The following RIN2 variants were observed in gnomAD, a reference collection of about 807,000 sequenced individuals.
RIN2 encodes the protein RAB5 interacting protein 2.
RIN2 carries 36 observed loss-of-function variants against 78.0 expected under a neutral mutation model. That is an observed-to-expected ratio of 0.46 (90% CI 0.35 to 0.61). The LOEUF is 0.61. Among genes scored for constraint, RIN2 ranks in the 20% least tolerant of loss-of-function variants. The pLI, the probability that RIN2 is intolerant of heterozygous loss-of-function variation, is 0.00. For synonymous variants in RIN2, 466 were observed against 466.8 expected, an observed-to-expected ratio of 1.00 and a Z score of 0.02; for missense variants, 1,087 against 1,159.7, an observed-to-expected ratio of 0.94 and a Z score of 0.91.
intron 4 of RIN2, among the ~76,000 whole-genome samples, chr20:19,948,193 A>G (rs1018434731): frequency 7.9e-6 from 1 of 126,112 alleles, no homozygotes; most frequent in East Asian, 2.1e-4. Context: ...GCACAGACAC[A>G]CGGAAGGGAG....
chr20:19,829,630 C>G (rs1042925006), intron 2 of RIN2, among the ~76,000 whole-genome samples: 2 of 152,114 alleles, frequency 1.3e-5, no homozygotes, highest in African/African-American at 4.8e-5. Flanking sequence ...TCGCCTCTAG[C>G]TGGTTTAGGC....
chr20:19,929,173 G>A (rs1284134720), intron 3 of RIN2, among the ~76,000 whole-genome samples: 2 of 152,210 alleles, frequency 1.3e-5, no homozygotes, highest in Admixed American at 6.5e-5. Context: ...GAGCAGGGGT[G>A]TAGTGAGCAG....
intron 8 of RIN2, among the ~76,000 whole-genome samples, chr20:19,973,132 A>C (rs1264387819): frequency 6.6e-6 from 1 of 152,254 alleles, no homozygotes; most frequent in African/African-American, 2.4e-5. Flanking sequence ...AAAAAGGTAG[A>C]TTCTCATAAC....
At chr20:19,942,118 A>AAAAAAAAAAAG (rs61328325) in intron 4 of RIN2, among the ~76,000 whole-genome samples, 44,933 of 141,886 alleles carry the variant, frequency 0.32, 9,572 homozygotes, top group African/African-American at 0.6. Flanking sequence ...TCAAAAAAAA[A>AAAAAAAAAAAG]AAAAGAAAGA....
chr20:19,924,822 C>T (rs180951165), intron 3 of RIN2, among the ~76,000 whole-genome samples: 1 of 121,686 alleles, frequency 8.2e-6, no homozygotes, highest in Non-Finnish European at 1.6e-5. Flanking sequence ...TCACAGCAAC[C>T]TCTGCCTCCT....
At chr20:19,788,848 C>T (rs571267261) in intron 1 of RIN2, among the ~76,000 whole-genome samples, 16 of 152,272 alleles carry the variant, frequency 1.1e-4, no homozygotes, top group African/African-American at 3.6e-4. Context: ...CCAAAGTGAT[C>T]TACGGACTCA....
intron 9 of RIN2, among the ~76,000 whole-genome samples, chr20:19,978,612 A>G (rs947863647): frequency 2.0e-5 from 3 of 152,196 alleles, no homozygotes; most frequent in African/African-American, 7.2e-5. Context: ...TTTGCATTCT[A>G]TTTAGACTAC....
Position 19,935,055 on chromosome 20 carries a change from G to A in RIN2, c.58-44G>A, listed in dbSNP as rs749879884. On this transcript the variant is annotated intron_variant, in intron 3 of 12. Coordinates refer to ENST00000255006, the MANE Select transcript of RIN2 (RefSeq NM_018993.4). Reference sequence around the variant, plus strand: ...TCCCCGGGCGCTGTGGGCATGCCACGCCTCTCCACTTCCTGACGTCATACT... The same window carrying A: ...TCCCCGGGCGCTGTGGGCATGCCACACCTCTCCACTTCCTGACGTCATACT... 6.1e-5 allele frequency: 89 copies of A among 1,465,074 alleles called. No individual in the cohort carries two copies. In the South Asian group the frequency reaches 7.0e-4, roughly 12 times the overall value. The allele number at this position is 1,465,074 out of a possible 1,614,324, so 90.8% of individuals were successfully genotyped here.
At chr20:19,911,117 C>G (rs1291311014) in intron 3 of RIN2, among the ~76,000 whole-genome samples, 1 of 151,916 alleles carries the variant, frequency 6.6e-6, no homozygotes, top group East Asian at 1.9e-4. Context: ...GTGGTGCAAA[C>G]TCGACTCACT....
chr20:19,853,888 A>C (rs1483411280), intron 2 of RIN2, among the ~76,000 whole-genome samples: 1 of 151,994 alleles, frequency 6.6e-6, no homozygotes, highest in Non-Finnish European at 1.5e-5. Flanking sequence ...GTTTAATTAG[A>C]TCCCATTTGT....
rs2040991187 is a variant in RIN2, at chr20:19,944,082, G to A, written c.158+8883G>A. Among the ~76,000 whole-genome samples the A allele has an allele frequency of 2.8e-5, 4 of 144,910 alleles. No individual in the cohort carries two copies. In the Admixed American group the frequency reaches 2.9e-4, roughly 10 times the overall value. Reference sequence around the variant, plus strand: ...GTCTGAAGGTGTTAAGAAATCATTGGATATCAACTTCTATGTATTTTTGAA... The same window carrying A: ...GTCTGAAGGTGTTAAGAAATCATTGAATATCAACTTCTATGTATTTTTGAA... On this transcript the variant is annotated intron_variant, in intron 4 of 12. Coordinates refer to ENST00000255006, the MANE Select transcript of RIN2 (RefSeq NM_018993.4).
chr20:19,825,712 C>T (rs1048831908), intron 2 of RIN2, among the ~76,000 whole-genome samples: 1 of 152,234 alleles, frequency 6.6e-6, no homozygotes, highest in African/African-American at 2.4e-5. Context: ...TTGGGCAACT[C>T]TGTCACTGAG....
chr20:19,858,140 A>G (rs2037223652), intron 2 of RIN2, among the ~76,000 whole-genome samples: 1 of 152,072 alleles, frequency 6.6e-6, no homozygotes, highest in Non-Finnish European at 1.5e-5. Context: ...AAAAATATTA[A>G]GATGGCTTGA....
At chr20:19,935,263 A>G (rs889981811) in intron 4 of RIN2, 64 bp downstream of exon 4, 1 of 1,424,874 alleles carries the variant, frequency 7.0e-7, no homozygotes, top group Non-Finnish European at 9.6e-7. Context: ...TGGCACTGCC[A>G]AGGGCTGACT....
rs1409792438 is a variant in RIN2, at chr20:19,960,804, C to G, written c.456C>G (p.Ser152Arg). ...APLKEFAIKE[S>R]TYTFSLEGSG... ...TCAAGGAATTTGCCATAAAGGAAAG[C>G]ACATACAGTAAGTGGTCATTGGATG... The change falls in exon 6 of 13, where the codon AGC becomes AGG. Residue 152 changes from serine (S) to arginine (R), a missense_variant. By Grantham distance (110) the Ser-to-Arg change is moderately radical. Around this residue, in one of 8 missense-constraint regions of RIN2, gnomAD observed 706 missense variants for 667.5 expected, o/e 1.06. Transcript: ENST00000255006. 1 of 1,587,262 alleles carries G rather than the reference C, an allele frequency of 6.3e-7. No homozygotes were observed. Among genetic ancestry groups the G allele is most frequent in the Non-Finnish European group, 8.6e-7 (1 of 1,164,350 alleles).
intron 4 of RIN2, among the ~76,000 whole-genome samples, chr20:19,951,187 A>G (rs1322575367): frequency 6.6e-6 from 1 of 152,012 alleles, no homozygotes; most frequent in Non-Finnish European, 1.5e-5. Flanking sequence ...ATTGTCCTTT[A>G]TAGATCTTTT....
intron 5 of RIN2, 114 bp downstream of exon 5, chr20:19,956,921 C>G (rs1443770825): frequency 3.5e-6 from 3 of 854,052 alleles, no homozygotes; most frequent in Admixed American, 5.9e-5. Flanking sequence ...AGGAGCATGT[C>G]TCTTGATGTG....
chr20:19,885,208 G>A (rs1211903854), intron 2 of RIN2, among the ~76,000 whole-genome samples: 3 of 152,108 alleles, frequency 2.0e-5, no homozygotes, highest in Admixed American at 2.0e-4. Flanking sequence ...GTGACCTAAA[G>A]TAAATAAAAT....
chr20:19,910,061 A>C (rs2039394691), intron 3 of RIN2, among the ~76,000 whole-genome samples: 1 of 152,264 alleles, frequency 6.6e-6, no homozygotes, highest in Non-Finnish European at 1.5e-5. Context: ...CCCAACAGGA[A>C]GAATGTGCAA....
Sources: allele counts gnomAD v4.1 joint callset (sites outside exome capture counted in the v4.1 genomes callset), GRCh38; gene constraint gnomAD v4.1.1; regional missense constraint gnomAD v4.1.1; transcripts MANE v1.5; gene names NCBI Gene and HGNC (gene_info 2026-07-23, HGNC 2026-07-21).